Variants in CFAP52 observed in about 807,000 individuals in gnomAD.
CFAP52 encodes cilia- and flagella-associated protein 52.
A neutral mutation model predicts 70.5 loss-of-function variants in CFAP52; 57 were observed. The ratio of observed to expected loss-of-function variants is 0.81; its 90% CI spans 0.65 to 1.01. The LOEUF is 1.01. Ranked by LOEUF, CFAP52 falls within the 50% of genes least tolerant of loss-of-function variation. The pLI is 0.00. For missense variants in CFAP52, 785 were observed against 788.5 expected (o/e 1.00, Z 0.05); for synonymous variants, 267 against 292.5 (o/e 0.91, Z 0.89).
intron 1 of CFAP52, among the ~76,000 whole-genome samples, chr17:9,577,256 C>A (rs935269495): frequency 6.6e-6 from 1 of 152,142 alleles, no homozygotes; most frequent in African/African-American, 2.4e-5. Context: ...GTTTGAGCAA[C>A]CCCCTGAGGG....
chr17:9,630,176 C>T (rs922029720), intron 9 of CFAP52, among the ~76,000 whole-genome samples: 1 of 151,802 alleles, frequency 6.6e-6, no homozygotes, highest in Non-Finnish European at 1.5e-5. Flanking sequence ...CTAGATTGCC[C>T]TCGTACCTTC....
intron 4 of CFAP52, among the ~76,000 whole-genome samples, chr17:9,596,192 C>T (rs1172284522): frequency 3.3e-5 from 5 of 150,244 alleles, no homozygotes; most frequent in South Asian, 2.1e-4. Flanking sequence ...CTCTGCCTCC[C>T]GGGTTCAAAT....
At chr17:9,581,658 A>G (rs1236636212) in intron 1 of CFAP52, among the ~76,000 whole-genome samples, 2 of 152,130 alleles carry the variant, frequency 1.3e-5, no homozygotes, top group African/African-American at 2.4e-5. Flanking sequence ...TATGAATTGT[A>G]GTGGACATGC....
rs1597763090 is a variant in CFAP52 at position 9,585,885 on chromosome 17, G to T, written c.183G>T (p.Gln61His). ...ATACTAAAGAGCAGAACTTCCTACA[G>T]GGTCATGGCAACAACGTCTCCTGCT... ...AINTKEQNFL[Q>H]GHGNNVSCLA... The change falls in exon 2 of 14, where the codon CAG becomes CAT. Residue 61 changes from glutamine (Q) to histidine (H), a missense_variant. Coordinates refer to ENST00000352665, the MANE Select transcript of CFAP52 (RefSeq NM_145054.5). The T allele has an allele frequency of 1.2e-6, 2 of 1,613,840 alleles. No homozygotes were observed. The highest frequency in any genetic ancestry group is 1.7e-6 in the Non-Finnish European group (2 of 1,179,956).
At chr17:9,645,466 G>A (rs1911296111), downstream of CFAP52, 4 of 575,612 alleles carry the variant, frequency 6.9e-6, no homozygotes, top group South Asian at 1.7e-4. The surrounding 1 kb of genome is among the most constrained non-coding windows in gnomAD (Gnocchi z 6.8). Context: ...CCGGATTCCC[G>A]CGCGGGGCGG....
intron 1 of CFAP52, among the ~76,000 whole-genome samples, chr17:9,579,793 C>A (rs1908131288): frequency 6.6e-6 from 1 of 152,168 alleles, no homozygotes; most frequent in East Asian, 1.9e-4. Flanking sequence ...GTCTTGAACT[C>A]CTGACCTCAG....
intron 1 of CFAP52, among the ~76,000 whole-genome samples, chr17:9,585,417 C>T (rs1020895128): frequency 2.0e-5 from 3 of 152,094 alleles, no homozygotes; most frequent in African/African-American, 2.4e-5. Context: ...ACCTGTAATC[C>T]CAGCACTTTG....
intron 7 of CFAP52, among the ~76,000 whole-genome samples, chr17:9,609,179 C>T (rs150802282): frequency 9.9e-5 from 15 of 151,876 alleles, no homozygotes; most frequent in East Asian, 3.9e-4. Context: ...TGAACATTCA[C>T]GGGGTACCAG....
chr17:9,607,868 T>A (rs1909557534), intron 6 of CFAP52, among the ~76,000 whole-genome samples: 1 of 152,188 alleles, frequency 6.6e-6, no homozygotes, highest in African/African-American at 2.4e-5. Context: ...ATCCCCTTGG[T>A]CAGCCTGGGG....
chr17:9,592,178 C>T (rs1669407975), intron 3 of CFAP52, among the ~76,000 whole-genome samples: 1 of 151,396 alleles, frequency 6.6e-6, no homozygotes, highest in Non-Finnish European at 1.5e-5. Flanking sequence ...AAACCCCATA[C>T]CCAGCCAGGC....
At chr17:9,635,175 T>C (rs1910717008) in intron 10 of CFAP52, among the ~76,000 whole-genome samples, 1 of 152,116 alleles carries the variant, frequency 6.6e-6, no homozygotes, top group South Asian at 2.1e-4. Context: ...TACAAGCAGG[T>C]ACAGGATTGT....
intron 9 of CFAP52, among the ~76,000 whole-genome samples, chr17:9,629,747 A>G (rs1472140114): frequency 6.6e-6 from 1 of 151,288 alleles, no homozygotes; most frequent in Non-Finnish European, 1.5e-5. Flanking sequence ...TGTCATCACG[A>G]TGGGCTAATT....
At chr17:9,614,900 C>A (rs1465020805) in intron 8 of CFAP52, among the ~76,000 whole-genome samples, 2 of 152,178 alleles carry the variant, frequency 1.3e-5, no homozygotes, top group African/African-American at 4.8e-5. Context: ...AGACCTCTTA[C>A]TACTGATGCA....
intron 9 of CFAP52, 118 bp downstream of exon 9, chr17:9,628,938 C>A: frequency 7.0e-7 from 1 of 1,432,700 alleles, no homozygotes; most frequent in Non-Finnish European, 9.5e-7. Context: ...CCACTGTCCA[C>A]CCCCTTCTTG....
chr17:9,631,028 AAG>A (rs761523039), intron 9 of CFAP52, among the ~76,000 whole-genome samples: 16 of 44,708 alleles, frequency 3.6e-4, no homozygotes, highest in Admixed American at 7.7e-4. Context: ...GAAAGAAAGA[AAG>A]AGAGAGAGAG....
At chr17:9,597,817 GAGAGAGAGAGAGAA>G (rs1362714864) in intron 4 of CFAP52, among the ~76,000 whole-genome samples, 32 of 151,156 alleles carry the variant, frequency 2.1e-4, no homozygotes, top group Admixed American at 1.4e-3. Context: ...GAGAGAGAGA[GAGAGAGAGAGAGAA>G]AGAGAGAAAG....
At chr17:9,644,737 C>T (rs892907134), downstream of CFAP52, 2 of 152,106 alleles carry the variant, frequency 1.3e-5, no homozygotes, top group African/African-American at 4.8e-5. Flanking sequence ...TGAAAACTTC[C>T]TGGTTAGCAA....
chr17:9,599,935 T>G, intron 5 of CFAP52, 132 bp from the exon 6 acceptor site: 2 of 660,428 alleles, frequency 3.0e-6, no homozygotes, highest in Non-Finnish European at 5.4e-6. Flanking sequence ...GAGACAGGGT[T>G]TCTCCATGTT....
Position 9,605,294 on chromosome 17 carries a change from G to T in CFAP52, c.754-2825G>T, listed in dbSNP as rs187950422. Among the ~76,000 whole-genome samples the T allele has an allele frequency of 2.6e-5, 4 of 152,276 alleles. No homozygotes were observed. In the East Asian group the frequency reaches 7.7e-4, roughly 29 times the overall value. On this transcript the variant is annotated intron_variant, in intron 6 of 13. Coordinates refer to ENST00000352665, the MANE Select transcript of CFAP52 (RefSeq NM_145054.5). The stretch of plus-strand genomic sequence containing the variant: ...GAAATGAGCTATAAAGTCAGGAAAA[G>T]ACTTTATAGGAAAAGAAGGAAACTG...
Sources: gnomAD v4.1 joint callset for allele counts (sites outside exome capture counted in the v4.1 genomes callset) on GRCh38, gnomAD v4.1.1 for gene constraint, Gnocchi (gnomAD v3.1) non-coding constraint, MANE v1.5 for transcripts, NCBI Gene and HGNC (gene_info 2026-07-23, HGNC 2026-07-21) for gene names.